The following EXOC3L1 variants were observed in gnomAD, a reference collection of about 807,000 sequenced individuals.
EXOC3L1 encodes the protein exocyst complex component 3-like protein.
In EXOC3L1, 79 loss-of-function variants were observed where a neutral mutation model predicts 83.6. The observed-to-expected ratio is 0.95, with a 90% CI of 0.79 to 1.14. The LOEUF (loss-of-function observed/expected upper bound fraction) is 1.14. Among genes scored for constraint, EXOC3L1 ranks in the 50% most tolerant of loss-of-function variants. The pLI is 0.00. For missense variants in EXOC3L1, 945 were observed against 972.0 expected, an observed-to-expected ratio of 0.97 and a Z score of 0.37; for synonymous variants, 433 against 451.2, an observed-to-expected ratio of 0.96 and a Z score of 0.51.
chr16:67,185,143 G>T lies in EXOC3L1; in HGVS notation c.1742C>A (p.Thr581Lys). The T allele has an allele frequency of 1.2e-6, 2 of 1,613,254 alleles. No homozygotes were observed. Among genetic ancestry groups the T allele is most frequent in the South Asian group, 2.2e-5 (2 of 91,082 alleles). ...CRDFWRVRNP[T>K]VQLLLAEAER... The stretch of plus-strand genomic sequence containing the variant: ...TCTTTTCCCCCAACCCACCTGAACC[G>T]TGGGGTTCCGCACGCGCCAGAAGTC... Residue 581 changes from threonine to lysine, a missense_variant, in exon 11 of 14, where the codon ACG becomes AAG. Transcript: ENST00000314586.
chr16:67,186,267 A>T lies in EXOC3L1; in HGVS notation c.1466T>A (p.Leu489Gln). 2 of 1,578,282 alleles carry T rather than the reference A, an allele frequency of 1.3e-6. No homozygotes were observed. The highest frequency in any genetic ancestry group is 2.3e-5 in the East Asian group (1 of 42,936). ...TGCTGACTTGTGGTTGAGGGCGGCC[A>T]GTAGGTAGGGCACGTAATGAGGGGC... The part of the protein sequence containing the change: ...SMAPHYVPYL[L>Q]AALNHKSALS... The change falls in exon 9 of 14, where the codon CTG becomes CAG. Residue 489 changes from leucine to glutamine, a missense_variant. Leu to Gln is a moderately radical substitution (Grantham distance 113). Coordinates refer to ENST00000314586, the MANE Select transcript of EXOC3L1 (RefSeq NM_178516.4).
Position 67,184,540 on chromosome 16 carries a change from C to A in EXOC3L1, c.2095G>T (p.Ala699Ser). Reference sequence around the variant, plus strand: ...AGCGCAGCCTGCAGGGAGCTGAGCGCGGCCAGGTGCTGCTCCCGGGACAAG... The same window carrying A: ...AGCGCAGCCTGCAGGGAGCTGAGCGAGGCCAGGTGCTGCTCCCGGGACAAG... ...GDLSREQHLAALSSLQAALPP... is the reference protein window; with the variant it reads ...GDLSREQHLASLSSLQAALPP... Residue 699 changes from alanine to serine, a missense_variant, in exon 14 of 14, where the codon GCG becomes TCG. Transcript: ENST00000314586. 6.6e-7 allele frequency: 1 copy of A among 1,524,846 alleles called. No individual in the cohort carries two copies. The highest frequency in any genetic ancestry group is 1.2e-5 in the South Asian group (1 of 82,916). 94.5% of individuals were successfully genotyped at this position (1,524,846 alleles called of 1,614,324 possible).
intron 3 of EXOC3L1, 32 bp downstream of exon 3, chr16:67,188,988 C>A: frequency 6.2e-7 from 1 of 1,605,562 alleles, no homozygotes; most frequent in South Asian, 1.1e-5. Flanking sequence ...GCAGCACAGT[C>A]CCAGCACCCG....
At position 67,189,621 on chromosome 16, in the gene EXOC3L1, AG is replaced by A; in HGVS notation, c.46+9del. On this transcript the variant is annotated intron_variant, in intron 2 of 13. Coordinates refer to ENST00000314586, the MANE Select transcript of EXOC3L1 (RefSeq NM_178516.4). The stretch of plus-strand genomic sequence containing the variant: ...TCATTCCTCCCCTAGTCCACCCAAA[AG>A]GTTCATACCAGGGGACAACGCCGGC... 6.2e-7 allele frequency: 1 copy of A among 1,614,002 alleles called. No individual in the cohort carries two copies. Among genetic ancestry groups the A allele is most frequent in the Non-Finnish European group, 8.5e-7 (1 of 1,179,928 alleles).
chr16:67,187,892 T>C (rs945639503), intron 4 of EXOC3L1, 55 bp from the exon 5 acceptor site: 3 of 1,525,526 alleles, frequency 2.0e-6, no homozygotes, highest in East Asian at 2.3e-5. Context: ...ACCGCCTCAA[T>C]GTGTACAGCA....
chr16:67,189,060 C>A lies in EXOC3L1; in HGVS notation c.167G>T (p.Arg56Leu), dbSNP rs778525072. 12 of 1,606,730 alleles carry A rather than the reference C, an allele frequency of 7.5e-6. No homozygotes were observed. The Admixed American group carries it at 1.7e-4, about 22-fold the overall frequency. Residue 56 changes from arginine (R) to leucine (L), a missense_variant, in exon 3 of 14, where the codon CGC (arginine) becomes CTC (leucine). By Grantham distance (102) the Arg-to-Leu change is moderately radical (BLOSUM62 -2). Coordinates refer to ENST00000314586, the MANE Select transcript of EXOC3L1 (RefSeq NM_178516.4). ...CAGGGAGCAGGTACGCTGCACCTCG[C>A]GGCTGCGGTACTGGCCTAGCCTGGC... ...QLARLGQYRS[R>L]EVQRTCSLES...
Position 67,184,434 on chromosome 16 carries a change from G to C in EXOC3L1, c.2201C>G (p.Pro734Arg). 2.6e-6 allele frequency: 4 copies of C among 1,531,256 alleles called. No individual in the cohort carries two copies. Among genetic ancestry groups the C allele is most frequent in the East Asian group, 2.5e-5 (1 of 40,326 alleles). The allele number at this position is 1,531,256 out of a possible 1,614,324, so 94.9% of individuals were successfully genotyped here. Residue 734 changes from proline (P) to arginine (R), a missense_variant, in exon 14 of 14, where the codon CCC becomes CGC. Transcript: ENST00000314586. ...APALAPASCL[P>R]SGSCARALLL... ...CAGGGCTCGGGCGCAGGACCCCGAG[G>C]GCAGGCAGGAGGCCGGCGCGAGCGC...
intron 9 of EXOC3L1, 110 bp downstream of exon 9, chr16:67,186,127 G>A: frequency 5.4e-6 from 4 of 742,510 alleles, no homozygotes; most frequent in Middle Eastern, 2.4e-4. Context: ...GGAACCCCAG[G>A]GCGATGTGAG....
rs771247574 is a variant in EXOC3L1 at position 67,184,606 on chromosome 16, T to C, written c.2031-2A>G. ...AAGAGGGCGGAGACGTGGTCCTCGC[T>C]GCAGGGGCACCAAGGAGGCGCGTCA... On this transcript the variant is annotated splice_acceptor_variant, in intron 13 of 13. Transcript: ENST00000314586. LOFTEE classifies it high-confidence loss of function. The C allele has an allele frequency of 1.9e-6, 3 of 1,585,808 alleles. No individual in the cohort carries two copies. The highest frequency in any genetic ancestry group is 1.7e-6 in the Non-Finnish European group (2 of 1,171,860).
chr16:67,187,183 A>T, intron 5 of EXOC3L1, 42 bp downstream of exon 5: 1 of 1,611,368 alleles, frequency 6.2e-7, no homozygotes, highest in Non-Finnish European at 8.5e-7. Flanking sequence ...CCAAGCCCCC[A>T]GCCTCTGATC....
In EXOC3L1 at chr16:67,187,776, A is replaced by G. The variant is rs1240722864; in HGVS notation, c.489T>C (p.Tyr163=). Reference sequence around the variant, plus strand: ...GCTGCTCCAGCTCCCGAAGGCTCACATATGCCTCCAAGAACTGTTGGCCAT... The same window carrying G: ...GCTGCTCCAGCTCCCGAAGGCTCACGTATGCCTCCAAGAACTGTTGGCCAT... ...LIDGQQFLEA[Y]VSLRELEQLR... Residue 163 remains tyrosine (Y), a synonymous_variant, in exon 5 of 14, where the codon TAT becomes TAC. Coordinates refer to ENST00000314586, the MANE Select transcript of EXOC3L1 (RefSeq NM_178516.4). 1.2e-6 allele frequency: 2 copies of G among 1,612,534 alleles called. No homozygotes were observed. The highest frequency in any genetic ancestry group is 2.2e-5 in the South Asian group (2 of 91,014).
In EXOC3L1 at chr16:67,184,487, G is replaced by T; in HGVS notation, c.2148C>A (p.Arg716=). Residue 716 remains arginine, a synonymous_variant, in exon 14 of 14, where the codon CGC becomes CGA. Coordinates refer to ENST00000314586, the MANE Select transcript of EXOC3L1 (RefSeq NM_178516.4). Reference sequence around the variant, plus strand: ...GCGCGGGCACTAGGCTGAAGAGGACGCGGCGGCTCGCGCGGGGCGACGGCG... The same window carrying T: ...GCGCGGGCACTAGGCTGAAGAGGACTCGGCGGCTCGCGCGGGGCGACGGCG... ...ALPPSPRASR[R]VLFSLVPAPA... 1 of 1,522,148 alleles carries T rather than the reference G, an allele frequency of 6.6e-7. No individual in the cohort carries two copies. Among genetic ancestry groups the T allele is most frequent in the Non-Finnish European group, 8.8e-7 (1 of 1,142,014 alleles). 94.3% of individuals were successfully genotyped at this position (1,522,148 alleles called of 1,614,324 possible).
Position 67,186,130 on chromosome 16 carries a change from G to T in EXOC3L1, c.1496+107C>A, listed in dbSNP as rs1329378011. 7.9e-6 allele frequency: 6 copies of T among 757,534 alleles called. 1 individual carries two copies. In the South Asian group the frequency reaches 9.4e-5, roughly 12 times the overall value. 46.9% of individuals were successfully genotyped at this position (757,534 alleles called of 1,614,324 possible). A position where few individuals can be genotyped will look rare whatever the true frequency, so the allele number is the denominator to read the frequency against. ...AGAACTAGAATTGGAACCCCAGGGCGATGTGAGTCCAAAGTCCCTAGTGTC... is the reference window on the plus strand; with the variant it reads ...AGAACTAGAATTGGAACCCCAGGGCTATGTGAGTCCAAAGTCCCTAGTGTC... On this transcript the variant is annotated intron_variant, in intron 9 of 13. Transcript: ENST00000314586.
At position 67,186,593 on chromosome 16, in the gene EXOC3L1, C is replaced by T. The variant is rs367664537; in HGVS notation, c.1349G>A (p.Gly450Asp). The T allele has an allele frequency of 1.9e-6, 3 of 1,614,082 alleles. No homozygotes were observed. Among genetic ancestry groups the T allele is most frequent in the African/African-American group, 2.7e-5 (2 of 75,030 alleles). ...VSESLQQRVH[G>D]MALSELGTFL... ...TGTGCCCAGTTCTGACAGTGCCATG[C>T]CATGCACTCGCTGTTGCAGTGACTC... The change falls in exon 8 of 14, where the codon GGC (glycine) becomes GAC (aspartate). Residue 450 changes from glycine to aspartate, a missense_variant. Gly to Asp is a moderately conservative substitution (Grantham distance 94). Coordinates refer to ENST00000314586, the MANE Select transcript of EXOC3L1 (RefSeq NM_178516.4).
chr16:67,187,050 G>A lies in EXOC3L1; in HGVS notation c.1129C>T (p.Leu377=). 1 of 1,613,696 alleles carries A rather than the reference G, an allele frequency of 6.2e-7. No individual in the cohort carries two copies. Among genetic ancestry groups the A allele is most frequent in the Non-Finnish European group, 8.5e-7 (1 of 1,180,020 alleles). Residue 377 remains leucine, a synonymous_variant, in exon 6 of 14, where the codon CTG becomes TTG. Transcript: ENST00000314586. The part of the protein sequence containing the change: ...PLLTLENIEQ[L]EATFVANIQA... ...ATGTTGGCCACAAATGTTGCCTCCAGCTGCTCAATGTTCTCCAAGGTCAGA... is the reference window on the plus strand; with the variant it reads ...ATGTTGGCCACAAATGTTGCCTCCAACTGCTCAATGTTCTCCAAGGTCAGA...
At chr16:67,188,700 C>T in intron 4 of EXOC3L1, 21 bp downstream of exon 4, 1 of 1,600,370 alleles carries the variant, frequency 6.2e-7, no homozygotes, top group Non-Finnish European at 8.5e-7. Context: ...AGGCTGAGGC[C>T]CAGGGTCCCT....
Position 67,184,982 on chromosome 16 carries a change from G to C in EXOC3L1, c.1825C>G (p.Arg609Gly). The C allele has an allele frequency of 1.2e-6, 2 of 1,609,726 alleles. No individual in the cohort carries two copies. The highest frequency in any genetic ancestry group is 2.2e-5 in the South Asian group (2 of 90,750). Reference protein sequence around the residue: ...SALMQGRLVCRGADERTQAAE... With the variant: ...SALMQGRLVCGGADERTQAAE... The stretch of plus-strand genomic sequence containing the variant: ...GCCTGGGTCCTCTCGTCGGCTCCGC[G>C]GCACACCAGGCGGCCTTGCATCAGC... The change falls in exon 12 of 14, where the codon CGC (arginine) becomes GGC (glycine). Residue 609 changes from arginine to glycine, a missense_variant. Arg to Gly is a moderately radical substitution (Grantham distance 125). Coordinates refer to ENST00000314586, the MANE Select transcript of EXOC3L1 (RefSeq NM_178516.4).
chr16:67,187,027 G>A lies in EXOC3L1; in HGVS notation c.1152C>T (p.Asn384=), dbSNP rs750384821. Residue 384 remains asparagine (N), a synonymous_variant, in exon 6 of 14, where the codon AAC becomes AAT. Coordinates refer to ENST00000314586, the MANE Select transcript of EXOC3L1 (RefSeq NM_178516.4). ...CTGTGCCTCAACTACTCACCTGGAT[G>A]TTGGCCACAAATGTTGCCTCCAGCT... ...IEQLEATFVA[N]IQASVSQWLQ... is the part of the protein sequence containing the mutation. The A allele has an allele frequency of 4.3e-6, 7 of 1,613,556 alleles. No homozygotes were observed. In the Admixed American group the frequency reaches 1.0e-4, roughly 23 times the overall value.
intron 8 of EXOC3L1, 44 bp from the exon 9 acceptor site, chr16:67,186,391 C>G: frequency 6.8e-7 from 1 of 1,475,924 alleles, no homozygotes; most frequent in South Asian, 1.2e-5. Flanking sequence ...GCTATGCTGG[C>G]ATCCCCACAG....
Sources: allele counts gnomAD v4.1 joint callset, GRCh38; gene constraint gnomAD v4.1.1; transcripts MANE v1.5; gene names NCBI Gene and HGNC (gene_info 2026-07-23, HGNC 2026-07-21).